The following MSANTD7 variants were observed in gnomAD, a reference collection of about 807,000 sequenced individuals.
MSANTD7 encodes Myb/SANT DNA binding domain containing 7, also known as zinc finger and SCAN domain containing 29.
At chr10:14,844,552 T>C in the MSANTD7 span, 4 of 986,192 alleles carry the variant, frequency 4.1e-6, no homozygotes, top group East Asian at 3.4e-4. Context: ...GTATCTGACA[T>C]ATCTACTAGT....
At chr10:14,843,042 G>C in the MSANTD7 span, among the ~76,000 whole-genome samples, 1 of 152,174 alleles carries the variant, frequency 6.6e-6, no homozygotes, top group African/African-American at 2.4e-5. Context: ...GCAACATAAG[G>C]TATTAGAACC....
chr10:14,844,175 C>T, the MSANTD7 span: 1 of 1,247,588 alleles, frequency 8.0e-7, no homozygotes, highest in East Asian at 4.4e-5. Flanking sequence ...AGCAGTTTAC[C>T]TCCCTCCAGT....
chr10:14,843,038 T>G, the MSANTD7 span, among the ~76,000 whole-genome samples: 4 of 152,194 alleles, frequency 2.6e-5, no homozygotes, highest in South Asian at 8.3e-4. Context: ...CCTGGCAACA[T>G]AAGGTATTAG....
At chr10:14,838,952 G>A in the MSANTD7 span, among the ~76,000 whole-genome samples, 1 of 152,188 alleles carries the variant, frequency 6.6e-6, no homozygotes, top group Non-Finnish European at 1.5e-5. Context: ...GAGGTACTTG[G>A]AGGCGGTGGT....
At chr10:14,840,131 G>T in the MSANTD7 span, 1 of 1,471,638 alleles carries the variant, frequency 6.8e-7, no homozygotes, top group Non-Finnish European at 9.1e-7. Context: ...ATACAGTAAT[G>T]AAAGTAAAGC....
chr10:14,839,854 C>G, the MSANTD7 span: 1 of 1,355,306 alleles, frequency 7.4e-7, no homozygotes, highest in Non-Finnish European at 1.0e-6. Context: ...CACAAATGCA[C>G]ACGTCTGAAT....
the MSANTD7 span, chr10:14,842,049 C>A: frequency 1.0e-6 from 1 of 972,186 alleles, no homozygotes; most frequent in Non-Finnish European, 1.5e-6. The surrounding 1 kb of genome is among the most constrained non-coding windows in gnomAD (Gnocchi z 5.2). Context: ...TGTTTATGAC[C>A]TACTCACAGG....
the MSANTD7 span, chr10:14,842,734 G>C: frequency 1.3e-6 from 2 of 1,536,546 alleles, no homozygotes; most frequent in Non-Finnish European, 1.7e-6. This position sits in a 1 kb window ranked among gnomAD's most constrained non-coding sequence, Gnocchi z 5.2. Context: ...CTGATCATCA[G>C]CCTATCTTGA....
At chr10:14,845,953 A>G in the MSANTD7 span, 1 of 872,242 alleles carries the variant, frequency 1.1e-6, no homozygotes, top group Non-Finnish European at 1.4e-6. Flanking sequence ...AAAATTTGAA[A>G]TAGCATAATA....
chr10:14,844,205 T>C, the MSANTD7 span: 1 of 1,148,870 alleles, frequency 8.7e-7, no homozygotes, highest in Non-Finnish European at 1.1e-6. Context: ...ATCCGTAAAA[T>C]GGGGATCAAT....
the MSANTD7 span, chr10:14,846,223 A>ATAGGTAGG: frequency 7.6e-5 from 75 of 985,188 alleles, no homozygotes; most frequent in Admixed American, 9.2e-4. Flanking sequence ...TGTGTCAATT[A>ATAGGTAGG]TAGGTAGGTA....
the MSANTD7 span, among the ~76,000 whole-genome samples, chr10:14,840,984 G>C: frequency 6.6e-6 from 1 of 152,110 alleles, no homozygotes; most frequent in Non-Finnish European, 1.5e-5. Flanking sequence ...CCTCACCCTC[G>C]GCCCCAGGTT....
the MSANTD7 span, chr10:14,838,611 C>T: frequency 2.8e-5 from 20 of 705,394 alleles, no homozygotes; most frequent in Non-Finnish European, 4.2e-5. Flanking sequence ...AAGGGCCGGG[C>T]AGGCCCGGCC....
At chr10:14,844,197 C>A in the MSANTD7 span, 1 of 1,171,292 alleles carries the variant, frequency 8.5e-7, no homozygotes, top group Non-Finnish European at 1.1e-6. Context: ...GTTTCCTCAT[C>A]CGTAAAATGG....
At chr10:14,844,221 C>A in the MSANTD7 span, 1,171 of 1,109,586 alleles carry the variant, frequency 1.1e-3, 1 homozygote, top group Non-Finnish European at 1.2e-3. Flanking sequence ...TCAATAATAA[C>A]TCCTGCCCTG....
chr10:14,843,262 C>G, the MSANTD7 span: 1 of 1,366,830 alleles, frequency 7.3e-7, no homozygotes, highest in Non-Finnish European at 1.0e-6. Flanking sequence ...TGGAAAGAGG[C>G]TTTCCAGGAA....
At chr10:14,842,093 T>C in the MSANTD7 span, 12 of 1,449,604 alleles carry the variant, frequency 8.3e-6, no homozygotes, top group Non-Finnish European at 1.0e-5. This position sits in a 1 kb window ranked among gnomAD's most constrained non-coding sequence, Gnocchi z 5.2. Flanking sequence ...AAATTATCCT[T>C]ACACCCTTCC....
chr10:14,838,501 C>T, the MSANTD7 span: 26 of 1,548,760 alleles, frequency 1.7e-5, no homozygotes, highest in Admixed American at 4.2e-4. Context: ...ATGACGGCCA[C>T]CCGGTTTTCT....
chr10:14,840,041 A>AAT, the MSANTD7 span: 7,699 of 1,175,318 alleles, frequency 6.6e-3, 4 homozygotes, highest in Non-Finnish European at 7.7e-3. Context: ...CATACATTGT[A>AAT]ATATATATAT....
Sources: gnomAD v4.1 joint callset for allele counts (sites outside exome capture counted in the v4.1 genomes callset) on GRCh38, gnomAD v4.1.1 for gene constraint, Gnocchi (gnomAD v3.1) non-coding constraint, MANE v1.5 for transcripts, NCBI Gene and HGNC (gene_info 2026-07-23, HGNC 2026-07-21) for gene names.